PDSS2: variants seen among roughly 807,000 people sequenced by gnomAD.
The protein encoded by PDSS2 is decaprenyl diphosphate synthase subunit 2, also known as all trans-polyprenyl-diphosphate synthase PDSS2.
A neutral mutation model predicts 44.5 loss-of-function variants in PDSS2; 31 were observed. The observed-to-expected ratio is 0.70, with a 90% CI of 0.52 to 0.94. The LOEUF is 0.94. PDSS2 is among the 40% of genes least tolerant of loss of function. The pLI, the probability that PDSS2 is intolerant of heterozygous loss-of-function variation, is 0.00. For missense variants in PDSS2, 452 were observed against 482.2 expected (o/e 0.94, Z 0.59); for synonymous variants, 157 against 180.3 (o/e 0.87, Z 1.03).
At chr6:107,225,130 T>C (rs1309727466) in intron 4 of PDSS2, among the ~76,000 whole-genome samples, 1 of 57,872 alleles carries the variant, frequency 1.7e-5, no homozygotes, top group South Asian at 6.9e-4. Context: ...TCACTATATA[T>C]ATATTTTTAT....
intron 7 of PDSS2, among the ~76,000 whole-genome samples, chr6:107,176,483 T>G (rs970227578): frequency 2.0e-5 from 3 of 151,762 alleles, no homozygotes; most frequent in African/African-American, 7.3e-5. Flanking sequence ...TTTAGTATAG[T>G]TTTTCTTGCC....
chr6:107,288,908 G>A (rs1045250358), intron 2 of PDSS2, among the ~76,000 whole-genome samples: 4 of 150,676 alleles, frequency 2.7e-5, no homozygotes, highest in South Asian at 2.1e-4. Context: ...ACACGTGTCC[G>A]CCACCAAGCC....
Position 107,459,332 on chromosome 6 carries a change from C to A in PDSS2, c.-47G>T. 6.5e-7 allele frequency: 1 copy of A among 1,541,954 alleles called. No homozygotes were observed. The highest frequency in any genetic ancestry group is 2.2e-5 in the East Asian group (1 of 44,488). The stretch of plus-strand genomic sequence containing the variant: ...GGGACCTGGGGGTATCCAGAAGTGC[C>A]GCGGGAAACAAACCAGGGGCAGAGG... On this transcript the variant is annotated 5_prime_UTR_variant, in exon 1 of 8. Coordinates refer to ENST00000369037, the MANE Select transcript of PDSS2 (RefSeq NM_020381.4). This position sits in a 1 kb window ranked among gnomAD's most constrained non-coding sequence, Gnocchi z 4.3.
intron 4 of PDSS2, chr6:107,230,135 G>T: frequency 6.5e-6 from 1 of 154,200 alleles, no homozygotes; most frequent in South Asian, 1.8e-4. Context: ...AGTTGGTGCT[G>T]GCAAAAACAA....
At chr6:107,349,347 G>A (rs1414575287) in intron 1 of PDSS2, among the ~76,000 whole-genome samples, 1 of 151,688 alleles carries the variant, frequency 6.6e-6, no homozygotes, top group Non-Finnish European at 1.5e-5. Flanking sequence ...GCAGGAGAAT[G>A]GCGTGAACCT....
chr6:107,338,892 A>ATT (rs143974680), intron 1 of PDSS2, among the ~76,000 whole-genome samples: 1 of 150,660 alleles, frequency 6.6e-6, no homozygotes, highest in African/African-American at 2.4e-5. Flanking sequence ...GTAAGTATTA[A>ATT]TTTTTTTTTT....
intron 3 of PDSS2, among the ~76,000 whole-genome samples, chr6:107,260,658 A>ATTTTTTTTTTTTTTTTTT (rs540553793): frequency 1.1e-5 from 1 of 93,430 alleles, no homozygotes; most frequent in African/African-American, 4.0e-5. Flanking sequence ...TTCCCCCTTC[A>ATTTTTTTTTTTTTTTTTT]TTTTTTTTTT....
intron 1 of PDSS2, among the ~76,000 whole-genome samples, chr6:107,358,268 T>C (rs1214495796): frequency 1.3e-5 from 2 of 152,164 alleles, no homozygotes; most frequent in Admixed American, 6.5e-5. Flanking sequence ...TATATGCAAA[T>C]ATTGCAAAAC....
rs762431733 is a variant in PDSS2 at position 107,245,615 on chromosome 6, A to G, written c.635T>C (p.Val212Ala). ...GLALLQNTKV[V>A]ELLASALMDL... is the part of the protein sequence containing the mutation. Reference sequence around the variant, plus strand: ...CATAAGAGCACTTGCTAAAAGTTCCACAACCTAAAAAGCAAGAAGAAAAAT... The same window carrying G: ...CATAAGAGCACTTGCTAAAAGTTCCGCAACCTAAAAAGCAAGAAGAAAAAT... Residue 212 changes from valine to alanine, a missense_variant, in exon 4 of 8, where the codon GTG (valine) becomes GCG (alanine). Transcript: ENST00000369037. 1.9e-6 allele frequency: 3 copies of G among 1,574,970 alleles called. No homozygotes were observed. In the East Asian group the frequency reaches 6.8e-5, roughly 35 times the overall value.
intron 7 of PDSS2, among the ~76,000 whole-genome samples, chr6:107,184,938 T>G (rs1772110216): frequency 6.6e-6 from 1 of 151,232 alleles, no homozygotes. Context: ...CTCCCTTTTG[T>G]GTGTTGAGTC....
intron 7 of PDSS2, among the ~76,000 whole-genome samples, chr6:107,183,461 G>T (rs1400462100): frequency 6.6e-6 from 1 of 152,156 alleles, no homozygotes; most frequent in South Asian, 2.1e-4. Flanking sequence ...ACTTTGGGAG[G>T]TCGAAGCGGA....
rs529169905 is a variant in PDSS2, at chr6:107,307,635, C to T, written c.431+26563G>A. On this transcript the variant is annotated intron_variant, in intron 2 of 7. Coordinates refer to ENST00000369037, the MANE Select transcript of PDSS2 (RefSeq NM_020381.4). Reference sequence around the variant, plus strand: ...CTTTTCCAAGTAACCTGACCTTTTCCCATTTCTTGTGGGTATTATATTACC... The same window carrying T: ...CTTTTCCAAGTAACCTGACCTTTTCTCATTTCTTGTGGGTATTATATTACC... Among the ~76,000 whole-genome samples, 3 of 152,106 alleles carry T rather than the reference C, an allele frequency of 2.0e-5. No homozygotes were observed. The East Asian group carries it at 5.8e-4, about 29-fold the overall frequency.
chr6:107,225,137 T>TATATATATATATATATTTATATATATATA (rs1446558243), intron 4 of PDSS2, among the ~76,000 whole-genome samples: 7 of 62,396 alleles, frequency 1.1e-4, no homozygotes, highest in Admixed American at 2.4e-4. Flanking sequence ...ATATATATTT[T>TATATATATATATATATTTATATATATATA]TATATATATA....
At chr6:107,164,027 G>A (rs1274696838) in intron 7 of PDSS2, among the ~76,000 whole-genome samples, 1 of 152,114 alleles carries the variant, frequency 6.6e-6, no homozygotes, top group Admixed American at 6.6e-5. Context: ...TAGCCCTGGA[G>A]ATAGAGTCTA....
chr6:107,184,975 AT>A (rs1251090475), intron 7 of PDSS2, among the ~76,000 whole-genome samples: 1 of 152,116 alleles, frequency 6.6e-6, no homozygotes, highest in East Asian at 1.9e-4. Context: ...GAAATGCACA[AT>A]AAAGCCTAGA....
intron 4 of PDSS2, among the ~76,000 whole-genome samples, chr6:107,216,729 AAAG>A (rs1773425409): frequency 2.0e-5 from 3 of 152,206 alleles, no homozygotes; most frequent in South Asian, 2.1e-4. Flanking sequence ...AAAAATAAAC[AAAG>A]AAGAGCAGCC....
chr6:107,193,493 G>A (rs9486558), intron 7 of PDSS2, among the ~76,000 whole-genome samples: 53,685 of 151,876 alleles, frequency 0.35, 9,721 homozygotes, highest in East Asian at 0.55. Context: ...CATCACATTT[G>A]CTGACACTTG....
At chr6:107,284,984 G>T (rs1332020205) in intron 2 of PDSS2, among the ~76,000 whole-genome samples, 1 of 152,176 alleles carries the variant, frequency 6.6e-6, no homozygotes, top group Non-Finnish European at 1.5e-5. Flanking sequence ...AAGGCAGCTA[G>T]GCTGACAGGC....
chr6:107,193,954 C>T lies in PDSS2; in HGVS notation c.1009-100G>A. 1.0e-5 allele frequency: 8 copies of T among 774,732 alleles called. No homozygotes were observed. The South Asian group carries it at 1.1e-4, about 11-fold the overall frequency. 48.0% of individuals were successfully genotyped at this position (774,732 alleles called of 1,614,324 possible). On this transcript the variant is annotated intron_variant, in intron 6 of 7. Coordinates refer to ENST00000369037, the MANE Select transcript of PDSS2 (RefSeq NM_020381.4). ...AGAATAGAACTCAGCTTCTCTGTCC[C>T]CCTTTCCCTCTCTCTATTTAATATA...
Sources: gnomAD v4.1 joint callset for allele counts (sites outside exome capture counted in the v4.1 genomes callset) on GRCh38, gnomAD v4.1.1 for gene constraint, Gnocchi (gnomAD v3.1) non-coding constraint, MANE v1.5 for transcripts, NCBI Gene and HGNC (gene_info 2026-07-23, HGNC 2026-07-21) for gene names.